The following IQGAP2 variants were observed in gnomAD, a reference collection of about 807,000 sequenced individuals.
The protein encoded by IQGAP2 is ras GTPase-activating-like protein IQGAP2.
Under a neutral mutation model 201.3 loss-of-function variants are expected in IQGAP2, and 173 were observed. The ratio of observed to expected loss-of-function variants is 0.86; its 90% CI spans 0.76 to 0.98. The LOEUF is 0.98. IQGAP2 is among the 50% of genes least tolerant of loss of function. The probability of loss-of-function intolerance (pLI) is 0.00; values close to 1 mark genes in which losing one functional copy is unlikely to be tolerated. For synonymous variants in IQGAP2, 675 were observed against 673.9 expected (o/e 1.00, Z -0.03); for missense variants, 1,687 against 1,864.8 (o/e 0.90, Z 1.76).
At chr5:76,526,382 A>G (rs1241925180) in intron 2 of IQGAP2, among the ~76,000 whole-genome samples, 1 of 152,210 alleles carries the variant, frequency 6.6e-6, no homozygotes, top group African/African-American at 2.4e-5. Context: ...CAAAGATTAC[A>G]CTGAAAGCAG....
intron 1 of IQGAP2, among the ~76,000 whole-genome samples, chr5:76,445,933 C>A (rs1753365756): frequency 6.6e-6 from 1 of 152,218 alleles, no homozygotes; most frequent in African/African-American, 2.4e-5. Context: ...TAGGTGGACT[C>A]ATACAGTGTT....
chr5:76,550,019 A>G (rs1743342567), intron 2 of IQGAP2, among the ~76,000 whole-genome samples: 1 of 152,202 alleles, frequency 6.6e-6, no homozygotes, highest in Admixed American at 6.5e-5. Flanking sequence ...CCATTCTAGC[A>G]TCAATTCTAA....
intron 9 of IQGAP2, among the ~76,000 whole-genome samples, chr5:76,595,576 AAGAG>A (rs10587856): frequency 0.23 from 35,523 of 151,528 alleles, 4,392 homozygotes; most frequent in South Asian, 0.46. Flanking sequence ...CTGGGCAACA[AAGAG>A]AGACTCAGTC....
At chr5:76,536,999 ATTGT>A (rs1276317079) in intron 2 of IQGAP2, among the ~76,000 whole-genome samples, 1 of 152,170 alleles carries the variant, frequency 6.6e-6, no homozygotes, top group African/African-American at 2.4e-5. Context: ...ATATTCTGAA[ATTGT>A]TTGCTGTCAT....
In IQGAP2 at chr5:76,588,951, G is replaced by C; in HGVS notation, c.504G>C (p.Leu168Phe). The part of the protein sequence containing the change: ...KLGIAPQIQD[L>F]LGKVDFTEEE... Reference sequence around the variant, plus strand: ...GAATAGCACCCCAGATCCAGGATTTGTTGGGCAAAGTAGACTTCACAGGTA... The same window carrying C: ...GAATAGCACCCCAGATCCAGGATTTCTTGGGCAAAGTAGACTTCACAGGTA... Residue 168 changes from leucine (L) to phenylalanine (F), a missense_variant, in exon 6 of 36, where the codon TTG becomes TTC. Physicochemically the swap from Leu to Phe is conservative, Grantham distance 22 (BLOSUM62 0). Coordinates refer to ENST00000274364, the MANE Select transcript of IQGAP2 (RefSeq NM_006633.5). The C allele has an allele frequency of 6.2e-7, 1 of 1,608,268 alleles. No homozygotes were observed. The highest frequency in any genetic ancestry group is 8.5e-7 in the Non-Finnish European group (1 of 1,175,474).
chr5:76,677,788 C>G (rs770753035), intron 28 of IQGAP2, among the ~76,000 whole-genome samples: 1 of 151,968 alleles, frequency 6.6e-6, no homozygotes, highest in Admixed American at 6.6e-5. Context: ...AAAAACTAGC[C>G]GGGTTTGGTG....
At position 76,683,129 on chromosome 5, in the gene IQGAP2, C is replaced by A; in HGVS notation, c.3675C>A (p.His1225Gln). Reference sequence around the variant, plus strand: ...TCTACATAAAGCTCCTGTTGGAACACCAGGATGCAATTGCCCCTGAGAAAA... The same window carrying A: ...TCTACATAAAGCTCCTGTTGGAACAACAGGATGCAATTGCCCCTGAGAAAA... Reference protein sequence around the residue: ...IISTHSLLLEHQDAIAPEKND... With the variant: ...IISTHSLLLEQQDAIAPEKND... The change falls in exon 29 of 36, where the codon CAC (histidine) becomes CAA (glutamine). Residue 1225 changes from histidine to glutamine, a missense_variant. By Grantham distance (24) the His-to-Gln change is conservative (BLOSUM62 0). Transcript: ENST00000274364. 1.2e-6 allele frequency: 2 copies of A among 1,607,752 alleles called. No individual in the cohort carries two copies. Among genetic ancestry groups the A allele is most frequent in the Non-Finnish European group, 1.7e-6 (2 of 1,175,792 alleles).
At position 76,407,154 on chromosome 5, in the gene IQGAP2, A is replaced by G. The variant is rs1052008410; in HGVS notation, c.46+3563A>G. The stretch of plus-strand genomic sequence containing the variant: ...ATCACCACACCTAGCTAATTTTTGT[A>G]TTTTTTTGTAGAGATGGGTTTTCAC... On this transcript the variant is annotated intron_variant, in intron 1 of 35. Coordinates refer to ENST00000274364, the MANE Select transcript of IQGAP2 (RefSeq NM_006633.5). Among the ~76,000 whole-genome samples, 18 of 151,808 alleles carry G rather than the reference A, an allele frequency of 1.2e-4. No homozygotes were observed. In the South Asian group the frequency reaches 3.5e-3, roughly 30 times the overall value.
In IQGAP2 at chr5:76,461,629, A is replaced by G. The variant is rs762297303; in HGVS notation, c.106A>G (p.Ile36Val). ...EEMDERRRQN[I>V]AYEYLCHLEE... ...GATGGATGAGAGGAGGCGGCAGAAC[A>G]TTGCTTATGAATATCTGTGCCACTT... Residue 36 changes from isoleucine to valine, a missense_variant, in exon 2 of 36, where the codon ATT (isoleucine) becomes GTT (valine). By Grantham distance (29) the Ile-to-Val change is conservative. Coordinates refer to ENST00000274364, the MANE Select transcript of IQGAP2 (RefSeq NM_006633.5). The G allele has an allele frequency of 6.2e-7, 1 of 1,614,084 alleles. No homozygotes were observed. Among genetic ancestry groups the G allele is most frequent in the East Asian group, 2.2e-5 (1 of 44,882 alleles).
chr5:76,584,388 C>A (rs1259053098), intron 5 of IQGAP2, among the ~76,000 whole-genome samples: 3 of 152,090 alleles, frequency 2.0e-5, no homozygotes, highest in African/African-American at 7.2e-5. Context: ...TTGAACAACC[C>A]CTAACATGAA....
intron 1 of IQGAP2, among the ~76,000 whole-genome samples, chr5:76,417,324 C>T (rs1751464116): frequency 6.6e-6 from 1 of 152,264 alleles, no homozygotes; most frequent in East Asian, 1.9e-4. Context: ...AAGTCTTGCT[C>T]TGTCACCCAG....
Position 76,693,460 on chromosome 5 carries a change from G to A in IQGAP2, c.3993+18G>A, listed in dbSNP as rs1746455482. ...CGCAACAGGTAATTTGACTTTAAGTGTAAAATAATAATAGACAGGTGTTGA... is the reference window on the plus strand; with the variant it reads ...CGCAACAGGTAATTTGACTTTAAGTATAAAATAATAATAGACAGGTGTTGA... On this transcript the variant is annotated intron_variant, in intron 31 of 35. Transcript: ENST00000274364. 9.5e-6 allele frequency: 14 copies of A among 1,475,674 alleles called. No homozygotes were observed. The highest frequency in any genetic ancestry group is 1.2e-5 in the Non-Finnish European group (13 of 1,056,622). The allele number at this position is 1,475,674 out of a possible 1,614,324, so 91.4% of individuals were successfully genotyped here.
At chr5:76,535,326 A>T (rs1759554675) in intron 2 of IQGAP2, among the ~76,000 whole-genome samples, 1 of 151,194 alleles carries the variant, frequency 6.6e-6, no homozygotes, top group African/African-American at 2.4e-5. Flanking sequence ...TGAAAGTATA[A>T]AAAAAAAATG....
Position 76,671,815 on chromosome 5 carries a change from T to C in IQGAP2, c.2900T>C (p.Met967Thr). 1.2e-5 allele frequency: 19 copies of C among 1,613,972 alleles called. No homozygotes were observed. The highest frequency in any genetic ancestry group is 1.6e-5 in the Non-Finnish European group (19 of 1,179,990). ...ACTGGTAACCCTACAGTCATCAAGA[T>C]GGTCGTCAGCTTCAATAGAGGTGCC... ...IVTGNPTVIK[M>T]VVSFNRGARG... The change falls in exon 24 of 36, where the codon ATG becomes ACG. Residue 967 changes from methionine (M) to threonine (T), a missense_variant. Physicochemically the swap from Met to Thr is moderately conservative, Grantham distance 81 (BLOSUM62 -1). Transcript: ENST00000274364.
chr5:76,558,932 G>T (rs892915455), intron 2 of IQGAP2, among the ~76,000 whole-genome samples: 1 of 151,400 alleles, frequency 6.6e-6, no homozygotes, highest in South Asian at 2.1e-4. Flanking sequence ...ACGGAGTCTC[G>T]CTCTGTCGCC....
chr5:76,697,307 A>C (rs1313822636), intron 32 of IQGAP2, among the ~76,000 whole-genome samples: 1 of 152,234 alleles, frequency 6.6e-6, no homozygotes, highest in East Asian at 1.9e-4. Context: ...ATTAAATGTA[A>C]ACTTTTTTAG....
intron 1 of IQGAP2, among the ~76,000 whole-genome samples, chr5:76,416,969 T>C (rs1374989448): frequency 6.6e-6 from 1 of 152,022 alleles, no homozygotes; most frequent in African/African-American, 2.4e-5. Flanking sequence ...GATGGGACCA[T>C]AGGCATGCAC....
intron 1 of IQGAP2, among the ~76,000 whole-genome samples, chr5:76,411,725 A>G (rs141970140): frequency 6.6e-6 from 1 of 152,198 alleles, no homozygotes; most frequent in Non-Finnish European, 1.5e-5. Context: ...GCGGAAACAA[A>G]TTTCTGTTCA....
At chr5:76,572,446 G>C (rs762923674) in intron 4 of IQGAP2, among the ~76,000 whole-genome samples, 1 of 151,984 alleles carries the variant, frequency 6.6e-6, no homozygotes, top group Non-Finnish European at 1.5e-5. Flanking sequence ...TTACAGGCGT[G>C]AGCCACTGCA....
Sources: gnomAD v4.1 joint callset for allele counts (sites outside exome capture counted in the v4.1 genomes callset) on GRCh38, gnomAD v4.1.1 for gene constraint, MANE v1.5 for transcripts, NCBI Gene and HGNC (gene_info 2026-07-23, HGNC 2026-07-21) for gene names.